Variants in MANBA observed in about 807,000 individuals in gnomAD.
The protein encoded by MANBA is mannosidase beta.
Under a neutral mutation model 111.1 loss-of-function variants are expected in MANBA, and 83 were observed. The observed-to-expected ratio is 0.75, with a 90% CI of 0.63 to 0.90. The LOEUF is 0.90. Ranked by LOEUF, MANBA falls within the 40% of genes least tolerant of loss-of-function variation. The probability of loss-of-function intolerance (pLI) is 0.00; values close to 1 mark genes in which losing one functional copy is unlikely to be tolerated. For synonymous variants in MANBA, 370 were observed against 378.7 expected, an observed-to-expected ratio of 0.98 and a Z score of 0.27; for missense variants, 1,036 against 1,069.0, an observed-to-expected ratio of 0.97 and a Z score of 0.43.
intron 1 of MANBA, among the ~76,000 whole-genome samples, chr4:102,743,552 C>A (rs1485638779): frequency 6.6e-6 from 1 of 152,152 alleles, no homozygotes; most frequent in East Asian, 1.9e-4. Context: ...GCCATTAGTG[C>A]AGGCTGGGGG....
chr4:102,728,486 A>G (rs1722896568), intron 1 of MANBA: 1 of 380,738 alleles, frequency 2.6e-6, no homozygotes, highest in South Asian at 2.1e-5. Flanking sequence ...CCCATCTTTC[A>G]CATTTGAAAA....
chr4:102,742,076 C>G, intron 1 of MANBA, among the ~76,000 whole-genome samples: 1 of 152,184 alleles, frequency 6.6e-6, no homozygotes, highest in East Asian at 1.9e-4. Flanking sequence ...CATACTCTTC[C>G]TTATCTCCAT....
chr4:102,652,527 CCAGG>C (rs560228298), intron 12 of MANBA, among the ~76,000 whole-genome samples: 166 of 152,164 alleles, frequency 1.1e-3, no homozygotes, highest in African/African-American at 3.7e-3. Context: ...CTGGAAATGG[CCAGG>C]CAAAGTTCTA....
chr4:102,757,929 G>C (rs1398445087), intron 1 of MANBA, among the ~76,000 whole-genome samples: 1 of 152,162 alleles, frequency 6.6e-6, no homozygotes, highest in African/African-American at 2.4e-5. Flanking sequence ...ACACTGGCCT[G>C]CTGACTATTC....
intron 1 of MANBA, among the ~76,000 whole-genome samples, chr4:102,748,628 C>G (rs970248213): frequency 1.3e-5 from 2 of 152,122 alleles, no homozygotes; most frequent in African/African-American, 4.8e-5. Flanking sequence ...AAACTGTTTA[C>G]TATTGGCCAG....
At position 102,646,010 on chromosome 4, in the gene MANBA, G is replaced by T. The variant is rs552613211; in HGVS notation, c.1869+4527C>A. 2.0e-4 allele frequency among the ~76,000 whole-genome samples: 30 copies of T among 152,154 alleles called. No individual in the cohort carries two copies. The South Asian group carries it at 6.2e-3, about 32-fold the overall frequency. The stretch of plus-strand genomic sequence containing the variant: ...AAGCAGAAACCCTACTCCATTCATT[G>T]CCCTGAGTCCTTAGGCAAAATATTT... On this transcript the variant is annotated intron_variant, in intron 13 of 16. Coordinates refer to ENST00000647097, the MANE Select transcript of MANBA (RefSeq NM_005908.4).
intron 1 of MANBA, among the ~76,000 whole-genome samples, chr4:102,744,276 T>C (rs1354422238): frequency 6.6e-6 from 1 of 152,226 alleles, no homozygotes; most frequent in Non-Finnish European, 1.5e-5. Context: ...GAAATTTTAC[T>C]GAGGTAGAAG....
At chr4:102,655,189 C>T (rs1344087351) in intron 12 of MANBA, among the ~76,000 whole-genome samples, 1 of 152,042 alleles carries the variant, frequency 6.6e-6, no homozygotes, top group Non-Finnish European at 1.5e-5. Flanking sequence ...TTAAAGAAGA[C>T]ATCCCATGTT....
At chr4:102,753,354 T>A (rs1248663959) in intron 1 of MANBA, among the ~76,000 whole-genome samples, 1 of 152,152 alleles carries the variant, frequency 6.6e-6, no homozygotes, top group Non-Finnish European at 1.5e-5. Flanking sequence ...TTTCTGTATT[T>A]CTTTTATCCA....
At chr4:102,730,141 T>G in intron 1 of MANBA, 4 of 1,201,306 alleles carry the variant, frequency 3.3e-6, no homozygotes, top group Non-Finnish European at 4.6e-6. Context: ...GTGGACACCT[T>G]GTAGGACTTC....
chr4:102,717,452 ACT>A (rs1433284434), intron 4 of MANBA, among the ~76,000 whole-genome samples: 2 of 138,834 alleles, frequency 1.4e-5, no homozygotes. Flanking sequence ...GAGATGTCTC[ACT>A]CTGTCACCCA....
chr4:102,674,319 C>T (rs1392208470), intron 7 of MANBA, among the ~76,000 whole-genome samples: 1 of 152,080 alleles, frequency 6.6e-6, no homozygotes. Context: ...TAGTCTTCCA[C>T]ATGAAATAGG....
intron 5 of MANBA, among the ~76,000 whole-genome samples, chr4:102,710,068 G>A (rs184410946): frequency 8.7e-4 from 132 of 152,188 alleles, no homozygotes; most frequent in African/African-American, 2.8e-3. Context: ...CAAATGAGGA[G>A]GAGCTGAAAG....
chr4:102,639,954 T>A, intron 13 of MANBA, 97 bp from the exon 14 acceptor site: 1 of 1,356,098 alleles, frequency 7.4e-7, no homozygotes, highest in East Asian at 2.3e-5. Flanking sequence ...TTGGGTTTTT[T>A]CTTTTTGGAG....
Position 102,671,395 on chromosome 4 carries a change from TA to T in MANBA, c.1115del (p.Leu372TyrfsTer13). The part of the protein sequence containing the change: ...SFQDRVTSEL[L>X]RLLLQSVVDA... Reference sequence around the variant, plus strand: ...CCACAACAGACTGTAAAAGGAGCCGTAACCTGTAGAAGACATTTTAGAAACA... The same window carrying T: ...CCACAACAGACTGTAAAAGGAGCCGTACCTGTAGAAGACATTTTAGAAACA... On this transcript the variant is annotated frameshift_variant and splice_region_variant, in exon 9 of 17. Transcript: ENST00000647097. LOFTEE classifies it high-confidence loss of function. 1 of 1,569,264 alleles carries T rather than the reference TA, an allele frequency of 6.4e-7. No individual in the cohort carries two copies. Among genetic ancestry groups the T allele is most frequent in the Non-Finnish European group, 8.8e-7 (1 of 1,139,524 alleles).
At chr4:102,658,787 C>T (rs924970009) in intron 11 of MANBA, 2 of 152,240 alleles carry the variant, frequency 1.3e-5, no homozygotes, top group African/African-American at 4.8e-5. Context: ...GAGCTGCCAG[C>T]AGCCCTTTCA....
chr4:102,734,923 G>A (rs1354947386), intron 1 of MANBA, among the ~76,000 whole-genome samples: 5 of 152,198 alleles, frequency 3.3e-5, no homozygotes, highest in African/African-American at 4.8e-5. Context: ...ACTTAGTCAT[G>A]TGTCCAGCCT....
intron 1 of MANBA, chr4:102,729,457 A>C: frequency 7.8e-7 from 1 of 1,287,648 alleles, no homozygotes; most frequent in Non-Finnish European, 1.1e-6. Context: ...TGTGTCCGAG[A>C]TCTGGGACTG....
At chr4:102,669,808 G>A (rs1194296384) in intron 9 of MANBA, among the ~76,000 whole-genome samples, 9 of 152,094 alleles carry the variant, frequency 5.9e-5, no homozygotes, top group East Asian at 1.9e-4. Context: ...GTGAAACCCC[G>A]TCTCTACTAA....
Sources: allele counts gnomAD v4.1 joint callset (sites outside exome capture counted in the v4.1 genomes callset), GRCh38; gene constraint gnomAD v4.1.1; transcripts MANE v1.5; gene names NCBI Gene and HGNC (gene_info 2026-07-23, HGNC 2026-07-21).